Variants in CNIH3 observed in about 807,000 individuals in gnomAD.
CNIH3 encodes cornichon family AMPA receptor auxiliary protein 3, also known as protein cornichon homolog 3.
Under a neutral mutation model 24.1 loss-of-function variants are expected in CNIH3, and 14 were observed. That is an observed-to-expected ratio of 0.58 (90% confidence interval 0.38 to 0.91). The LOEUF (loss-of-function observed/expected upper bound fraction) is 0.91. CNIH3 is among the 40% of genes least tolerant of loss of function. The probability of loss-of-function intolerance (pLI) is 0.00; values close to 1 mark genes in which losing one functional copy is unlikely to be tolerated. For synonymous variants in CNIH3, 68 were observed against 73.8 expected, an observed-to-expected ratio of 0.92 and a Z score of 0.40; for missense variants, 178 against 196.8, an observed-to-expected ratio of 0.90 and a Z score of 0.57.
chr1:224,732,280 A>T (rs151102712), intron 4 of CNIH3, among the ~76,000 whole-genome samples: 3 of 152,298 alleles, frequency 2.0e-5, no homozygotes, highest in African/African-American at 7.2e-5. Flanking sequence ...GAAAGCCTCT[A>T]GGCTGCGTGG....
chr1:224,560,024 C>T (rs561238153), intron 3 of CNIH3, among the ~76,000 whole-genome samples: 95 of 152,214 alleles, frequency 6.2e-4, no homozygotes, highest in Admixed American at 1.1e-3. Context: ...ATGTGTCACT[C>T]AGCATTGTAT....
At chr1:224,540,434 TTA>T (rs1679469686), downstream of CNIH3, among the ~76,000 whole-genome samples, 1 of 152,222 alleles carries the variant, frequency 6.6e-6, no homozygotes, top group African/African-American at 2.4e-5. Context: ...TGGGACATTT[TTA>T]GACTCTCCAA....
intron 1 of CNIH3, among the ~76,000 whole-genome samples, chr1:224,490,695 C>A (rs1677206916): frequency 6.6e-6 from 1 of 152,170 alleles, no homozygotes; most frequent in Non-Finnish European, 1.5e-5. Flanking sequence ...TCCTCCATAT[C>A]TGTAATGTAC....
chr1:224,459,653 A>G (rs945808594), intron 1 of CNIH3, among the ~76,000 whole-genome samples: 1 of 152,078 alleles, frequency 6.6e-6, no homozygotes, highest in Non-Finnish European at 1.5e-5. Context: ...GCACATAGAT[A>G]GTAGTGTCTC....
chr1:224,525,954 G>C (rs568856001), intron 2 of CNIH3, among the ~76,000 whole-genome samples: 1 of 152,240 alleles, frequency 6.6e-6, no homozygotes, highest in East Asian at 1.9e-4. Flanking sequence ...GTATGTTGAA[G>C]GGTTTGCCTG....
At chr1:224,479,055 A>C (rs189943680) in intron 1 of CNIH3, among the ~76,000 whole-genome samples, 175 of 152,118 alleles carry the variant, frequency 1.2e-3, no homozygotes, top group Non-Finnish European at 1.7e-3. Flanking sequence ...GACACAGCCA[A>C]ACTGTTATCA....
At chr1:224,467,335 C>G (rs1676188537) in intron 1 of CNIH3, among the ~76,000 whole-genome samples, 1 of 151,942 alleles carries the variant, frequency 6.6e-6, no homozygotes, top group Non-Finnish European at 1.5e-5. Context: ...ATGCCTGGCT[C>G]TTTTCATTCT....
At chr1:224,612,312 G>GT (rs890908604), upstream of CNIH3, among the ~76,000 whole-genome samples, 12 of 151,504 alleles carry the variant, frequency 7.9e-5, no homozygotes, top group Admixed American at 6.6e-4. The surrounding 1 kb of genome is among the most constrained non-coding windows in gnomAD (Gnocchi z 4.7). Context: ...CTTGGGGCCA[G>GT]TTTTTTTTTC....
chr1:224,712,230 A>C (rs1038552894), intron 3 of CNIH3, among the ~76,000 whole-genome samples: 2 of 152,226 alleles, frequency 1.3e-5, no homozygotes, highest in Non-Finnish European at 2.9e-5. Context: ...TATGCACAGC[A>C]TTTAAAATAC....
Position 224,734,627 on chromosome 1 carries a change from G to A in CNIH3, c.376G>A (p.Asp126Asn), listed in dbSNP as rs545600991. The change falls in exon 5 of 6, where the codon GAC (aspartate) becomes AAC (asparagine). Residue 126 changes from aspartate to asparagine, a missense_variant. Coordinates refer to ENST00000272133, the MANE Select transcript of CNIH3 (RefSeq NM_152495.2). ...CGACCCACCGGTGGTCATGAATGCC[G>A]ACACTTTGAGTTACTGTCAGAAGGA... ...AYDPPVVMNA[D>N]TLSYCQKEAW... 9.9e-6 allele frequency: 16 copies of A among 1,614,108 alleles called. No individual in the cohort carries two copies. The East Asian group carries it at 2.5e-4, about 25-fold the overall frequency.
At chr1:224,714,539 G>A (rs1688324373) in intron 3 of CNIH3, among the ~76,000 whole-genome samples, 1 of 152,224 alleles carries the variant, frequency 6.6e-6, no homozygotes, top group Non-Finnish European at 1.5e-5. Flanking sequence ...TTCCCAGTGT[G>A]TACAGAGGAC....
chr1:224,477,557 C>T (rs1212388063), intron 1 of CNIH3, among the ~76,000 whole-genome samples: 1 of 152,206 alleles, frequency 6.6e-6, no homozygotes, highest in Non-Finnish European at 1.5e-5. Context: ...AAACTCTACA[C>T]TTTAACTTTG....
At chr1:224,435,093 G>A in intron 1 of CNIH3, 1 of 985,814 alleles carries the variant, frequency 1.0e-6, no homozygotes, top group Non-Finnish European at 1.2e-6. Context: ...GCGTGCATGG[G>A]ATGGCAGAGT....
At chr1:224,532,922 G>A (rs1679130331) in intron 2 of CNIH3, among the ~76,000 whole-genome samples, 1 of 152,120 alleles carries the variant, frequency 6.6e-6, no homozygotes, top group Non-Finnish European at 1.5e-5. Flanking sequence ...AGGACATTGA[G>A]GCTCAGGAAG....
intron 1 of CNIH3, among the ~76,000 whole-genome samples, chr1:224,456,499 C>T (rs1439979481): frequency 6.6e-6 from 1 of 152,196 alleles, no homozygotes; most frequent in African/African-American, 2.4e-5. Context: ...TAGCCTGGAC[C>T]TCCCGGGCTC....
intron 1 of CNIH3, among the ~76,000 whole-genome samples, chr1:224,657,088 C>T (rs1047325691): frequency 6.6e-6 from 1 of 152,144 alleles, no homozygotes; most frequent in East Asian, 1.9e-4. Flanking sequence ...CCAGAGGCAA[C>T]ATTGATGGCC....
intron 4 of CNIH3, 66 bp downstream of exon 4, chr1:224,730,640 G>A: frequency 1.1e-6 from 1 of 930,936 alleles, no homozygotes; most frequent in Non-Finnish European, 1.7e-6. Flanking sequence ...CTCCAGTGAT[G>A]ATGTCACCCA....
chr1:224,711,829 G>A (rs1688171249), intron 3 of CNIH3, among the ~76,000 whole-genome samples: 1 of 148,152 alleles, frequency 6.7e-6, no homozygotes, highest in Non-Finnish European at 1.5e-5. Context: ...GAACCAGGAA[G>A]TTTTGTTGGC....
At chr1:224,608,443 T>G (rs2125048768) in intron 3 of CNIH3, among the ~76,000 whole-genome samples, 1 of 152,234 alleles carries the variant, frequency 6.6e-6, no homozygotes, top group African/African-American at 2.4e-5. Context: ...CTTACAACTC[T>G]AAGGGGGTCC....
Sources: gnomAD v4.1 joint callset for allele counts (sites outside exome capture counted in the v4.1 genomes callset) on GRCh38, gnomAD v4.1.1 for gene constraint, Gnocchi (gnomAD v3.1) non-coding constraint, MANE v1.5 for transcripts, NCBI Gene and HGNC (gene_info 2026-07-23, HGNC 2026-07-21) for gene names.